The following TRIM36 variants were observed in gnomAD, a reference collection of about 807,000 sequenced individuals.
TRIM36 encodes tripartite motif containing 36, also known as E3 ubiquitin-protein ligase TRIM36.
TRIM36 carries 42 observed loss-of-function variants against 72.4 expected under a neutral mutation model. The observed-to-expected ratio is 0.58, with a 90% confidence interval of 0.45 to 0.75. The LOEUF is 0.75. TRIM36 is among the 30% of genes least tolerant of loss of function. The pLI is 0.00. For missense variants in TRIM36, 913 were observed against 857.1 expected (o/e 1.07, Z -0.81); for synonymous variants, 315 against 282.8 (o/e 1.11, Z -1.14).
rs1752358371 is a variant in TRIM36 at position 115,126,388 on chromosome 5, C to G, written c.*115G>C. ...TTTCTGTATTTCAAGAAGAATCATA[C>G]TCAAACACAAGTGGGGTGACAGAAC... On this transcript the variant is annotated 3_prime_UTR_variant, in exon 10 of 10. Coordinates refer to ENST00000513154, the MANE Select transcript of TRIM36 (RefSeq NM_001300759.2). 1.0e-5 allele frequency: 8 copies of G among 790,990 alleles called. No homozygotes were observed. Among genetic ancestry groups the G allele is most frequent in the Middle Eastern group, 3.6e-4 (1 of 2,774 alleles). 49.0% of individuals were successfully genotyped at this position (790,990 alleles called of 1,614,324 possible). A position where few individuals can be genotyped will look rare whatever the true frequency, so the allele number is the denominator to read the frequency against.
At chr5:115,144,504 A>G in intron 4 of TRIM36, 94 bp downstream of exon 4, 1 of 1,438,276 alleles carries the variant, frequency 7.0e-7, no homozygotes, top group Non-Finnish European at 9.5e-7. Context: ...TACAAAAGAG[A>G]CCATATAACA....
intron 5 of TRIM36, among the ~76,000 whole-genome samples, chr5:115,139,170 G>C (rs965700821): frequency 6.9e-6 from 1 of 144,250 alleles, no homozygotes; most frequent in African/African-American, 2.6e-5. Context: ...ACCTAGGCTA[G>C]AGTGCAATGG....
At chr5:115,145,090 T>C (rs1753511332) in intron 3 of TRIM36, among the ~76,000 whole-genome samples, 1 of 152,180 alleles carries the variant, frequency 6.6e-6, no homozygotes, top group South Asian at 2.1e-4. Flanking sequence ...TTAACCAAGT[T>C]AGAAAGGCCA....
intron 2 of TRIM36, among the ~76,000 whole-genome samples, chr5:115,155,062 G>A (rs1489502708): frequency 6.6e-6 from 1 of 152,130 alleles, no homozygotes; most frequent in African/African-American, 2.4e-5. Context: ...GGTGGTGCAT[G>A]CTTGTAATCC....
intron 2 of TRIM36, among the ~76,000 whole-genome samples, chr5:115,154,181 A>G (rs888127041): frequency 6.6e-6 from 1 of 150,434 alleles, no homozygotes; most frequent in Non-Finnish European, 1.5e-5. Context: ...GAACACAGCA[A>G]AGGCAGTGCT....
chr5:115,145,419 T>C (rs532061514), intron 3 of TRIM36, among the ~76,000 whole-genome samples: 1 of 152,314 alleles, frequency 6.6e-6, no homozygotes, highest in African/African-American at 2.4e-5. Flanking sequence ...AAAGGGGAGA[T>C]TCCTTTAAGT....
Position 115,158,554 on chromosome 5 carries a change from C to A in TRIM36, c.262+4964G>T, listed in dbSNP as rs553555536. On this transcript the variant is annotated intron_variant, in intron 2 of 9. Transcript: ENST00000513154. ...TCGCTATCCCTGGACAGTTCATGAA[C>A]TACCTCTCCCAATGGTGGACACTAC... 2.0e-5 allele frequency among the ~76,000 whole-genome samples: 3 copies of A among 152,334 alleles called. No homozygotes were observed. The East Asian group carries it at 5.8e-4, about 29-fold the overall frequency.
At position 115,169,892 on chromosome 5, in the gene TRIM36, C is replaced by G; in HGVS notation, c.-258G>C. ...CCCGCCCAGCTGCCGGCTGCAGCAG[C>G]GGCTCCTGCGGACTGCGGCTGGGAA... On this transcript the variant is annotated 5_prime_UTR_variant, in exon 1 of 10. Transcript: ENST00000513154. 1 of 1,295,996 alleles carries G rather than the reference C, an allele frequency of 7.7e-7. No individual in the cohort carries two copies. Among genetic ancestry groups the G allele is most frequent in the South Asian group, 2.2e-5 (1 of 45,280 alleles). 80.3% of individuals were successfully genotyped at this position (1,295,996 alleles called of 1,614,324 possible). A position where few individuals can be genotyped will look rare whatever the true frequency, so the allele number is the denominator to read the frequency against.
chr5:115,172,563 C>CG (rs1385616548), upstream of TRIM36, among the ~76,000 whole-genome samples: 1 of 152,008 alleles, frequency 6.6e-6, no homozygotes, highest in African/African-American at 2.4e-5. Flanking sequence ...TGGTGAAACC[C>CG]CCCCTTTACT....
intron 2 of TRIM36, among the ~76,000 whole-genome samples, chr5:115,160,027 A>C (rs1367618719): frequency 6.6e-6 from 1 of 152,102 alleles, no homozygotes; most frequent in Non-Finnish European, 1.5e-5. Context: ...AAAAAAAGAA[A>C]AAAAAAAAAC....
chr5:115,176,628 T>G (rs1755352709), intron 1 of TRIM36, among the ~76,000 whole-genome samples: 1 of 152,230 alleles, frequency 6.6e-6, no homozygotes. Flanking sequence ...AGAGATATAC[T>G]AAAATTTGAA....
chr5:115,141,459 T>C (rs1219479998), intron 4 of TRIM36, 85 bp from the exon 5 acceptor site: 6 of 706,978 alleles, frequency 8.5e-6, no homozygotes, highest in Admixed American at 3.4e-5. Flanking sequence ...TACACAGGAC[T>C]CATCCTCTTC....
chr5:115,144,374 C>G (rs1561430070), intron 4 of TRIM36, among the ~76,000 whole-genome samples: 1 of 152,046 alleles, frequency 6.6e-6, no homozygotes, highest in Non-Finnish European at 1.5e-5. Flanking sequence ...GAATTCAGAG[C>G]TAATACAACA....
At chr5:115,143,172 C>T (rs1383254716) in intron 4 of TRIM36, among the ~76,000 whole-genome samples, 1 of 142,180 alleles carries the variant, frequency 7.0e-6, no homozygotes, top group African/African-American at 2.6e-5. Flanking sequence ...GGAAACAATC[C>T]CAGGAGCTTA....
chr5:115,168,171 A>G (rs1487516596), intron 1 of TRIM36, among the ~76,000 whole-genome samples: 2 of 152,230 alleles, frequency 1.3e-5, no homozygotes, highest in African/African-American at 2.4e-5. Flanking sequence ...AAGCCTAACC[A>G]TAACAGAATA....
At chr5:115,175,738 T>C (rs1755302907) in intron 1 of TRIM36, among the ~76,000 whole-genome samples, 1 of 152,154 alleles carries the variant, frequency 6.6e-6, no homozygotes, top group Non-Finnish European at 1.5e-5. Flanking sequence ...CAAATGATAT[T>C]ACAAAAATCT....
rs941239465 is a variant in TRIM36 at position 115,126,110 on chromosome 5, A to G, written c.*393T>C. On this transcript the variant is annotated 3_prime_UTR_variant, in exon 10 of 10. Transcript: ENST00000513154. ...AGGCATTTAAAAAATATCTTCTCTT[A>G]GGACATAAACATGATATAAAAATGA... 4.7e-5 allele frequency: 8 copies of G among 171,218 alleles called. No individual in the cohort carries two copies. The highest frequency in any genetic ancestry group is 2.2e-4 in the Admixed American group (4 of 17,858). 10.6% of individuals were successfully genotyped at this position (171,218 alleles called of 1,614,324 possible).
At chr5:115,163,414 T>C (rs1754591192) in intron 2 of TRIM36, 104 bp downstream of exon 2, 6 of 955,474 alleles carry the variant, frequency 6.3e-6, no homozygotes, top group Non-Finnish European at 9.4e-6. Flanking sequence ...CCTGGAAAAA[T>C]TAACTCTCAA....
intron 1 of TRIM36, among the ~76,000 whole-genome samples, chr5:115,164,327 A>G (rs1754645054): frequency 6.6e-6 from 1 of 152,226 alleles, no homozygotes; most frequent in Non-Finnish European, 1.5e-5. Flanking sequence ...ATATCAAAGC[A>G]ATTATCTTAA....
Sources: gnomAD v4.1 joint callset for allele counts (sites outside exome capture counted in the v4.1 genomes callset) on GRCh38, gnomAD v4.1.1 for gene constraint, MANE v1.5 for transcripts, NCBI Gene and HGNC (gene_info 2026-07-23, HGNC 2026-07-21) for gene names.